The following AKAP6 variants were observed in gnomAD, a reference collection of about 807,000 sequenced individuals.
The protein encoded by AKAP6 is A-kinase anchoring protein 6.
In AKAP6, 58 loss-of-function variants were observed where a neutral mutation model predicts 188.5. That is an observed-to-expected ratio of 0.31 (90% CI 0.25 to 0.38). AKAP6 has a LOEUF of 0.38. Among genes scored for constraint, AKAP6 ranks in the 10% least tolerant of loss-of-function variants. The probability of loss-of-function intolerance (pLI) is 1.00; values close to 1 mark genes in which losing one functional copy is unlikely to be tolerated. For synonymous variants in AKAP6, 989 were observed against 998.6 expected, an observed-to-expected ratio of 0.99 and a Z score of 0.18; for missense variants, 2,710 against 2,740.0, an observed-to-expected ratio of 0.99 and a Z score of 0.24.
At chr14:32,482,987 G>GTATATA (rs1408908916) in intron 2 of AKAP6, among the ~76,000 whole-genome samples, 18 of 75,476 alleles carry the variant, frequency 2.4e-4, no homozygotes, top group South Asian at 1.1e-3. Context: ...GTGTGTGTGT[G>GTATATA]TGTATATATA....
intron 11 of AKAP6, among the ~76,000 whole-genome samples, chr14:32,766,056 T>G (rs2032709635): frequency 1.3e-5 from 2 of 152,208 alleles, no homozygotes; most frequent in Admixed American, 6.5e-5. Context: ...CTATTCCACT[T>G]TCTGTTTCTA....
chr14:32,624,772 C>G (rs2139431308), intron 7 of AKAP6, among the ~76,000 whole-genome samples: 1 of 152,218 alleles, frequency 6.6e-6, no homozygotes, highest in African/African-American at 2.4e-5. Flanking sequence ...ATGGCTTTGT[C>G]TGCAGCTCAG....
chr14:32,362,979 C>T (rs1174584665), intron 1 of AKAP6, among the ~76,000 whole-genome samples: 2 of 152,030 alleles, frequency 1.3e-5, no homozygotes, highest in Admixed American at 1.3e-4. Context: ...CAAAGTAGGA[C>T]TTTGATGAAA....
chr14:32,366,597 C>G, intron 1 of AKAP6, among the ~76,000 whole-genome samples: 1 of 152,128 alleles, frequency 6.6e-6, no homozygotes, highest in Non-Finnish European at 1.5e-5. Flanking sequence ...AGAATGTTGA[C>G]TTTAACTGGC....
chr14:32,541,206 C>G (rs1882937719), intron 3 of AKAP6, among the ~76,000 whole-genome samples: 1 of 152,106 alleles, frequency 6.6e-6, no homozygotes, highest in African/African-American at 2.4e-5. Context: ...AGAGCTTCCT[C>G]TGAAGCATTA....
At chr14:32,342,889 T>C (rs1176846074) in intron 1 of AKAP6, among the ~76,000 whole-genome samples, 1 of 152,180 alleles carries the variant, frequency 6.6e-6, no homozygotes, top group African/African-American at 2.4e-5. Context: ...TACCAGAATG[T>C]ATTTCTTTTT....
rs79740997 is a variant in AKAP6 at position 32,658,965 on chromosome 14, G to C, written c.2731-19346G>C. ...ATTATTCTGTTTTGTATTATAGTTA[G>C]TTGTTAGAATTTGTGTCCTTTGCTA... On this transcript the variant is annotated intron_variant, in intron 7 of 13. Coordinates refer to ENST00000280979, the MANE Select transcript of AKAP6 (RefSeq NM_004274.5). Among the ~76,000 whole-genome samples the C allele has an allele frequency of 7.8e-3, 1,180 of 152,046 alleles. 22 individuals carry two copies. Among genetic ancestry groups the C allele is most frequent in the African/African-American group, 0.027 (1,111 of 41,498 alleles).
At chr14:32,581,512 G>A (rs370998239) in intron 5 of AKAP6, among the ~76,000 whole-genome samples, 24 of 152,118 alleles carry the variant, frequency 1.6e-4, no homozygotes, top group Non-Finnish European at 2.4e-4. Flanking sequence ...TATTAGGTCC[G>A]CTTGGTGCAG....
chr14:32,717,100 G>C (rs570490233), intron 9 of AKAP6, among the ~76,000 whole-genome samples: 77 of 152,260 alleles, frequency 5.1e-4, no homozygotes, highest in South Asian at 2.3e-3. Context: ...GCCACCAAGA[G>C]AACAAAGGCA....
chr14:32,376,219 T>C (rs1370097831), intron 1 of AKAP6, among the ~76,000 whole-genome samples: 4 of 152,256 alleles, frequency 2.6e-5, no homozygotes, highest in African/African-American at 9.6e-5. Context: ...TTATTTGACC[T>C]TGGGGCACCC....
intron 1 of AKAP6, among the ~76,000 whole-genome samples, chr14:32,398,580 C>T (rs540665207): frequency 6.6e-6 from 1 of 152,130 alleles, no homozygotes; most frequent in Non-Finnish European, 1.5e-5. Context: ...ACTGAGGCCT[C>T]TCCCATGGTT....
intron 7 of AKAP6, among the ~76,000 whole-genome samples, chr14:32,668,829 C>G (rs1032144195): frequency 2.6e-5 from 4 of 151,918 alleles, no homozygotes; most frequent in African/African-American, 9.7e-5. Flanking sequence ...ATATCCTAAC[C>G]TACAAAGATT....
intron 9 of AKAP6, among the ~76,000 whole-genome samples, chr14:32,713,422 A>C (rs954359463): frequency 6.6e-6 from 1 of 151,746 alleles, no homozygotes; most frequent in African/African-American, 2.4e-5. Context: ...GAAGCTAGGC[A>C]TTGACTTCTC....
intron 4 of AKAP6, among the ~76,000 whole-genome samples, chr14:32,554,884 C>A (rs1883625759): frequency 6.6e-6 from 1 of 152,178 alleles, no homozygotes; most frequent in Non-Finnish European, 1.5e-5. Flanking sequence ...CCATTAAATT[C>A]TCAAAACTTG....
At position 32,732,395 on chromosome 14, in the gene AKAP6, A is replaced by G. The variant is rs184181785; in HGVS notation, c.3001-59A>G. On this transcript the variant is annotated intron_variant, in intron 9 of 13. Transcript: ENST00000280979. The stretch of plus-strand genomic sequence containing the variant: ...GTAAGCATCACAAATTCTGTGTTCA[A>G]TGATTTTCTAAGAACACCTCTCTCC... 343 of 1,542,958 alleles carry G rather than the reference A, an allele frequency of 2.2e-4. No homozygotes were observed. The African/African-American group carries it at 4.3e-3, about 19-fold the overall frequency.
At chr14:32,512,888 A>T (rs562846811) in intron 2 of AKAP6, among the ~76,000 whole-genome samples, 17 of 152,318 alleles carry the variant, frequency 1.1e-4, no homozygotes, top group Non-Finnish European at 2.2e-4. Flanking sequence ...AGTACAAATT[A>T]TTTGGGTTAG....
At chr14:32,755,367 T>C (rs1459148913) in intron 11 of AKAP6, among the ~76,000 whole-genome samples, 1 of 152,014 alleles carries the variant, frequency 6.6e-6, no homozygotes, top group Non-Finnish European at 1.5e-5. Flanking sequence ...ATTGTTTCTT[T>C]TTGTTGAACT....
Position 32,545,624 on chromosome 14 carries a change from G to T in AKAP6, c.971G>T (p.Gly324Val). ...GAAGAGCAACCAGGCTTAACACTGG[G>T]GGTGTCATCATCTTCAGGAGAAGCT... ...AVEEQPGLTLGVSSSSGEALT... is the reference protein window; with the variant it reads ...AVEEQPGLTLVVSSSSGEALT... Residue 324 changes from glycine to valine, a missense_variant, in exon 4 of 14, where the codon GGG (glycine) becomes GTG (valine). Gly to Val is a moderately radical substitution (Grantham distance 109, BLOSUM62 -3). Transcript: ENST00000280979. The T allele has an allele frequency of 6.2e-7, 1 of 1,614,158 alleles. No homozygotes were observed. Among genetic ancestry groups the T allele is most frequent in the East Asian group, 2.2e-5 (1 of 44,882 alleles).
At position 32,821,450 on chromosome 14, in the gene AKAP6, A is replaced by C. The variant is rs751539191; in HGVS notation, c.3637A>C (p.Ser1213Arg). ...TGGCTTGATGGACCTAAATGGGATG[A>C]GTGAGGATGCCCTGGAATGGGATGA... ...DPGLMDLNGM[S>R]EDALEWDEMD... The change falls in exon 13 of 14, where the codon AGT (serine) becomes CGT (arginine). Residue 1213 changes from serine (S) to arginine (R), a missense_variant. Ser to Arg is a moderately radical substitution (Grantham distance 110, BLOSUM62 -1). This residue lies in a region of AKAP6 where 2,473 missense variants were observed against 2,426.1 expected (regional missense o/e 1.02). Coordinates refer to ENST00000280979, the MANE Select transcript of AKAP6 (RefSeq NM_004274.5). 2.5e-6 allele frequency: 4 copies of C among 1,613,164 alleles called. No individual in the cohort carries two copies. Among genetic ancestry groups the C allele is most frequent in the Non-Finnish European group, 3.4e-6 (4 of 1,179,562 alleles).
Sources: allele counts gnomAD v4.1 joint callset (sites outside exome capture counted in the v4.1 genomes callset), GRCh38; gene constraint gnomAD v4.1.1; regional missense constraint gnomAD v4.1.1; transcripts MANE v1.5; gene names NCBI Gene and HGNC (gene_info 2026-07-23, HGNC 2026-07-21).